The following FGFRL1 variants were observed in gnomAD, a reference collection of about 807,000 sequenced individuals.
FGFRL1 encodes the protein fibroblast growth factor receptor like 1.
In FGFRL1, 24 loss-of-function variants were observed where a neutral mutation model predicts 36.8. The observed-to-expected ratio is 0.65, with a 90% CI of 0.47 to 0.92. The LOEUF is 0.92. Ranked by LOEUF, FGFRL1 falls within the 40% of genes least tolerant of loss-of-function variation. The pLI is 0.00. For synonymous variants in FGFRL1, 422 were observed against 344.1 expected (o/e 1.23, Z -2.50); for missense variants, 785 against 753.4 (o/e 1.04, Z -0.49).
intron 6 of FGFRL1, 39 bp from the exon 7 acceptor site, chr4:1,024,866 G>T: frequency 6.5e-7 from 1 of 1,543,788 alleles, no homozygotes; most frequent in Non-Finnish European, 8.7e-7. Flanking sequence ...CTTTGTGTCG[G>T]CGTTCCCCTC....
At chr4:1,017,665 C>T (rs1715961401) in intron 2 of FGFRL1, among the ~76,000 whole-genome samples, 1 of 152,176 alleles carries the variant, frequency 6.6e-6, no homozygotes, top group East Asian at 1.9e-4. Flanking sequence ...CAGCCAGTGT[C>T]CTGGTCCTAG....
intron 2 of FGFRL1, among the ~76,000 whole-genome samples, chr4:1,018,192 C>T (rs1715992910): frequency 1.3e-5 from 2 of 152,176 alleles, no homozygotes; most frequent in South Asian, 4.1e-4. Context: ...CATCCCAGGG[C>T]CTGCCCACCT....
At chr4:1,018,599 C>T (rs924221755) in intron 2 of FGFRL1, among the ~76,000 whole-genome samples, 35 of 152,128 alleles carry the variant, frequency 2.3e-4, no homozygotes, top group Non-Finnish European at 4.0e-4. Context: ...GCAGGGTGCA[C>T]GGCCCCGGAG....
Position 1,012,564 on chromosome 4 carries a change from G to A in FGFRL1, c.79G>A (p.Gly27Ser), listed in dbSNP as rs773807067. 3.1e-5 allele frequency: 43 copies of A among 1,403,234 alleles called. No individual in the cohort carries two copies. Among genetic ancestry groups the A allele is most frequent in the Non-Finnish European group, 3.9e-5 (41 of 1,045,592 alleles). The allele number at this position is 1,403,234 out of a possible 1,614,324, so 86.9% of individuals were successfully genotyped here. A position where few individuals can be genotyped will look rare whatever the true frequency, so the allele number is the denominator to read the frequency against. Residue 27 changes from glycine (G) to serine (S), a missense_variant and splice_region_variant, in exon 2 of 7, where the codon GGC becomes AGC. Physicochemically the swap from Gly to Ser is moderately conservative, Grantham distance 56 (BLOSUM62 0). Transcript: ENST00000510644. ...CTTCCCGCCGGCCGCCGCCGCCCGA[G>A]GTGAGTTCTGGCGCCCAGCCCGGCC... The part of the protein sequence containing the change: ...GAFPPAAAAR[G>S]PPKMADKVVP...
In FGFRL1 at chr4:1,025,054, C is replaced by G; in HGVS notation, c.1222C>G (p.Pro408Ala). Residue 408 changes from proline (P) to alanine (A), a missense_variant, in exon 7 of 7, where the codon CCC becomes GCC. Pro to Ala is a conservative substitution (Grantham distance 27). Transcript: ENST00000510644. Reference protein sequence around the residue: ...LCQAQKKPCTPAPAPPLPGHR... With the variant: ...LCQAQKKPCTAAPAPPLPGHR... ...CCAGGCCCAGAAGAAGCCGTGCACC[C>G]CCGCGCCTGCCCCTCCCCTGCCTGG... 6.2e-7 allele frequency: 1 copy of G among 1,609,670 alleles called. No homozygotes were observed. The highest frequency in any genetic ancestry group is 1.1e-5 in the South Asian group (1 of 90,950).
intron 2 of FGFRL1, among the ~76,000 whole-genome samples, chr4:1,018,121 G>A (rs1050427745): frequency 6.6e-6 from 1 of 152,174 alleles, no homozygotes; most frequent in South Asian, 2.1e-4. Flanking sequence ...GTGAAGACGG[G>A]GAAGGGCAGG....
Position 1,025,466 on chromosome 4 carries a change from C to T in FGFRL1, c.*119C>T, listed in dbSNP as rs1032113963. 3 of 1,261,226 alleles carry T rather than the reference C, an allele frequency of 2.4e-6. No individual in the cohort carries two copies. The highest frequency in any genetic ancestry group is 3.0e-5 in the African/African-American group (2 of 66,630). 78.1% of individuals were successfully genotyped at this position (1,261,226 alleles called of 1,614,324 possible). A position where few individuals can be genotyped will look rare whatever the true frequency, so the allele number is the denominator to read the frequency against. ...ATGGCGAGGAGGAATGGCCAGCACC[C>T]CAGGCAGTCTGTGTGTGAGGCATAG... On this transcript the variant is annotated 3_prime_UTR_variant, in exon 7 of 7. Coordinates refer to ENST00000510644, the MANE Select transcript of FGFRL1 (RefSeq NM_001004356.3).
chr4:1,023,777 C>T lies in FGFRL1; in HGVS notation c.434-40C>T. ...TCCGTCTGTCCCGGCCCCTTGGCTG[C>T]ATCCCCGTCCTCTGACCTCCACGCC... On this transcript the variant is annotated intron_variant, in intron 4 of 6. Transcript: ENST00000510644. The surrounding 1 kb of genome is among the most constrained non-coding windows in gnomAD (Gnocchi z 6.0). The T allele has an allele frequency of 6.4e-7, 1 of 1,556,338 alleles. No individual in the cohort carries two copies. The highest frequency in any genetic ancestry group is 8.7e-7 in the Non-Finnish European group (1 of 1,150,470).
At chr4:1,010,442 C>G (rs1715527322), upstream of FGFRL1, among the ~76,000 whole-genome samples, 1 of 152,234 alleles carries the variant, frequency 6.6e-6, no homozygotes, top group Admixed American at 6.5e-5. Context: ...TGAGGAGTCC[C>G]ACACCCTGAC....
At chr4:1,012,266 C>T (rs542659364) in intron 1 of FGFRL1, 7 of 508,698 alleles carry the variant, frequency 1.4e-5, no homozygotes, top group South Asian at 8.2e-5. Flanking sequence ...GGGGGGGCGG[C>T]GGGGGAGCCC....
chr4:1,022,728 G>A (rs1003149929), intron 3 of FGFRL1, among the ~76,000 whole-genome samples: 7 of 152,232 alleles, frequency 4.6e-5, no homozygotes, highest in African/African-American at 1.2e-4. Context: ...GGTGGAGGGC[G>A]GGAGCCGAAG....
At chr4:1,013,045 C>A (rs1412448489) in intron 2 of FGFRL1, among the ~76,000 whole-genome samples, 3 of 152,224 alleles carry the variant, frequency 2.0e-5, no homozygotes, top group Non-Finnish European at 4.4e-5. Flanking sequence ...GACCCCCAGT[C>A]CCCCAGCCGA....
At chr4:1,013,378 C>G (rs907259714) in intron 2 of FGFRL1, among the ~76,000 whole-genome samples, 1 of 152,260 alleles carries the variant, frequency 6.6e-6, no homozygotes, top group Non-Finnish European at 1.5e-5. Flanking sequence ...GTGTTGACCA[C>G]TCAGGATTGT....
upstream of FGFRL1, among the ~76,000 whole-genome samples, chr4:1,010,417 G>C (rs959749368): frequency 6.6e-6 from 1 of 152,262 alleles, no homozygotes; most frequent in Non-Finnish European, 1.5e-5. Context: ...TGGGACGGCC[G>C]GGTAGTTCGG....
In FGFRL1 at chr4:1,014,263, C is replaced by T. The variant is rs188902458; in HGVS notation, c.79+1699C>T. Among the ~76,000 whole-genome samples the T allele has an allele frequency of 4.0e-5, 6 of 151,882 alleles. No individual in the cohort carries two copies. The East Asian group carries it at 9.7e-4, about 24-fold the overall frequency. On this transcript the variant is annotated intron_variant, in intron 2 of 6. Transcript: ENST00000510644. ...ACTTTCACAATCTTGGTGGATTTGT[C>T]TTAAACTGCTTTTTTTTTTTCCAAT... is the stretch of plus-strand genomic sequence containing the variant.
intron 2 of FGFRL1, among the ~76,000 whole-genome samples, chr4:1,018,145 C>A (rs1715990942): frequency 6.6e-6 from 1 of 152,132 alleles, no homozygotes; most frequent in Non-Finnish European, 1.5e-5. Context: ...CAGGGGGTTC[C>A]TGCCTCCGTC....
In FGFRL1 at chr4:1,024,654, C is replaced by A; in HGVS notation, c.1062C>A (p.Thr354=). 6.3e-7 allele frequency: 1 copy of A among 1,599,836 alleles called. No individual in the cohort carries two copies. Among genetic ancestry groups the A allele is most frequent in the Non-Finnish European group, 8.5e-7 (1 of 1,171,068 alleles). ...MGYSFRSAFL[T]VLPDPKPPGP... Reference sequence around the variant, plus strand: ...ACAGCTTCCGCAGCGCCTTCCTCACCGTGCTGCCAGGTGCGCGGCTGCCAC... The same window carrying A: ...ACAGCTTCCGCAGCGCCTTCCTCACAGTGCTGCCAGGTGCGCGGCTGCCAC... Residue 354 remains threonine (T), a synonymous_variant, in exon 6 of 7, where the codon ACC becomes ACA. Transcript: ENST00000510644.
chr4:1,026,827 T>C lies in FGFRL1; in HGVS notation c.*1480T>C, dbSNP rs1716566562. 1 of 455,354 alleles carries C rather than the reference T, an allele frequency of 2.2e-6. No individual in the cohort carries two copies. Among genetic ancestry groups the C allele is most frequent in the African/African-American group, 2.0e-5 (1 of 50,034 alleles). The allele number at this position is 455,354 out of a possible 1,614,324, so 28.2% of individuals were successfully genotyped here. A position where few individuals can be genotyped will look rare whatever the true frequency, so the allele number is the denominator to read the frequency against. On this transcript the variant is annotated 3_prime_UTR_variant, in exon 7 of 7. Transcript: ENST00000510644. Reference sequence around the variant, plus strand: ...GTGGCCCCAGATCTCTGTAATTTTATGTAGAGTTTGAGCTGAAGCCCCGTA... The same window carrying C: ...GTGGCCCCAGATCTCTGTAATTTTACGTAGAGTTTGAGCTGAAGCCCCGTA...
Position 1,024,634 on chromosome 4 carries a change from T to G in FGFRL1, c.1042T>G (p.Phe348Val), listed in dbSNP as rs1487956989. The change falls in exon 6 of 7, where the codon TTC (phenylalanine) becomes GTC (valine). Residue 348 changes from phenylalanine to valine, a missense_variant. Phe to Val is a conservative substitution (Grantham distance 50, BLOSUM62 -1). Coordinates refer to ENST00000510644, the MANE Select transcript of FGFRL1 (RefSeq NM_001004356.3). ...CLGANTMGYS[F>V]RSAFLTVLPD... Reference sequence around the variant, plus strand: ...TGGCGCCAACACCATGGGCTACAGCTTCCGCAGCGCCTTCCTCACCGTGCT... The same window carrying G: ...TGGCGCCAACACCATGGGCTACAGCGTCCGCAGCGCCTTCCTCACCGTGCT... The G allele has an allele frequency of 3.1e-6, 5 of 1,607,446 alleles. No individual in the cohort carries two copies. Among genetic ancestry groups the G allele is most frequent in the Non-Finnish European group, 2.6e-6 (3 of 1,176,308 alleles).
Sources: gnomAD v4.1 joint callset for allele counts (sites outside exome capture counted in the v4.1 genomes callset) on GRCh38, gnomAD v4.1.1 for gene constraint, Gnocchi (gnomAD v3.1) non-coding constraint, MANE v1.5 for transcripts, NCBI Gene and HGNC (gene_info 2026-07-23, HGNC 2026-07-21) for gene names.